The following FIRRM variants were observed in gnomAD, a reference collection of about 807,000 sequenced individuals.
FIRRM encodes the protein FIGNL1-interacting regulator of recombination and mitosis.
chr1:169,807,773 T>A, the FIRRM span: 1 of 1,554,328 alleles, frequency 6.4e-7, no homozygotes, highest in South Asian at 1.2e-5. Flanking sequence ...TTGTATTCTT[T>A]TCTTTTTATT....
chr1:169,795,258 C>A, the FIRRM span: 1 of 1,520,490 alleles, frequency 6.6e-7, no homozygotes, highest in Non-Finnish European at 8.8e-7. Context: ...AGGGTGTGGG[C>A]GGGTCGCGAA....
the FIRRM span, among the ~76,000 whole-genome samples, chr1:169,833,781 CT>C: frequency 9.4e-3 from 1,394 of 147,944 alleles, 26 homozygotes; most frequent in African/African-American, 0.033. Flanking sequence ...CTCCAGATAT[CT>C]TAGAAGAAGT....
chr1:169,853,873 T>C, the FIRRM span: 1 of 1,313,778 alleles, frequency 7.6e-7, no homozygotes, highest in Non-Finnish European at 1.1e-6. Context: ...TATCTTTTGA[T>C]GCCAGAAACA....
chr1:169,827,049 A>G, the FIRRM span: 1 of 1,610,214 alleles, frequency 6.2e-7, no homozygotes, highest in Non-Finnish European at 8.5e-7. Context: ...CTCCCTTCCC[A>G]GCAAGTTTCC....
chr1:169,816,300 A>C, the FIRRM span, among the ~76,000 whole-genome samples: 1 of 152,176 alleles, frequency 6.6e-6, no homozygotes, highest in East Asian at 1.9e-4. Flanking sequence ...GTTTCTTCTG[A>C]GCAGCAGCCA....
chr1:169,795,754 T>C, the FIRRM span: 1 of 985,426 alleles, frequency 1.0e-6, no homozygotes, highest in African/African-American at 1.7e-5. Context: ...AAAATGATTT[T>C]CCTCCTTCCC....
the FIRRM span, chr1:169,793,718 C>G: frequency 6.5e-7 from 1 of 1,535,928 alleles, no homozygotes; most frequent in Admixed American, 2.1e-5. Context: ...TGCACACAAT[C>G]TTTAAATTCA....
the FIRRM span, among the ~76,000 whole-genome samples, chr1:169,809,228 C>T: frequency 6.6e-6 from 1 of 152,160 alleles, no homozygotes; most frequent in Non-Finnish European, 1.5e-5. Context: ...TTCTTTATCT[C>T]ACCTGCCCCT....
chr1:169,784,046 A>G, the FIRRM span: 2 of 153,364 alleles, frequency 1.3e-5, no homozygotes, highest in Non-Finnish European at 2.9e-5. Context: ...AAGGTCCCCC[A>G]AAATGCTGGG....
the FIRRM span, chr1:169,851,706 A>G: frequency 1.5e-6 from 2 of 1,326,722 alleles, no homozygotes; most frequent in Non-Finnish European, 2.1e-6. Flanking sequence ...TGTGACTTCC[A>G]GAATTTGCCT....
chr1:169,821,099 A>G, the FIRRM span, among the ~76,000 whole-genome samples: 1 of 152,214 alleles, frequency 6.6e-6, no homozygotes, highest in Non-Finnish European at 1.5e-5. Flanking sequence ...ATGGTAAAAG[A>G]AAGTGCTTGT....
At chr1:169,839,737 CT>C in the FIRRM span, among the ~76,000 whole-genome samples, 4 of 152,140 alleles carry the variant, frequency 2.6e-5, no homozygotes, top group Non-Finnish European at 5.9e-5. Context: ...TGCAGAAGCT[CT>C]TTAATTAGGT....
the FIRRM span, chr1:169,852,294 C>A: frequency 3.3e-6 from 1 of 305,506 alleles, no homozygotes; most frequent in South Asian, 3.5e-5. Context: ...AATGAGTCTC[C>A]TAATAATTTT....
chr1:169,803,174 G>T, the FIRRM span: 1 of 1,613,008 alleles, frequency 6.2e-7, no homozygotes, highest in South Asian at 1.1e-5. Context: ...CACAGACAAT[G>T]GTGCAGCTCT....
the FIRRM span, among the ~76,000 whole-genome samples, chr1:169,832,901 G>T: frequency 3.0e-4 from 45 of 152,224 alleles, no homozygotes; most frequent in Admixed American, 2.9e-3. Flanking sequence ...ACTCTGCCTG[G>T]CCTTGCCTCC....
chr1:169,792,589 C>T, the FIRRM span: 1 of 1,544,178 alleles, frequency 6.5e-7, no homozygotes, highest in Admixed American at 2.2e-5. Context: ...AACCAGGAAA[C>T]TTAAAAGTTA....
the FIRRM span, chr1:169,792,456 G>T: frequency 1.1e-6 from 1 of 934,222 alleles, no homozygotes; most frequent in Non-Finnish European, 1.5e-6. Flanking sequence ...TTACAATTTG[G>T]ATAAACAAAA....
the FIRRM span, among the ~76,000 whole-genome samples, chr1:169,785,138 G>A: frequency 3.9e-5 from 6 of 152,174 alleles, no homozygotes; most frequent in East Asian, 1.9e-4. Flanking sequence ...GGCCCCCCTC[G>A]CAGGATGTGT....
At chr1:169,821,634 T>G in the FIRRM span, 1 of 1,385,312 alleles carries the variant, frequency 7.2e-7, no homozygotes, top group Non-Finnish European at 9.9e-7. Context: ...AATTTTATAT[T>G]CTTTTCTTAT....
Sources: gnomAD v4.1 joint callset for allele counts (sites outside exome capture counted in the v4.1 genomes callset) on GRCh38, gnomAD v4.1.1 for gene constraint, MANE v1.5 for transcripts, NCBI Gene and HGNC (gene_info 2026-07-23, HGNC 2026-07-21) for gene names.